Variants in HOXD8 observed in about 807,000 individuals in gnomAD.
HOXD8 encodes the protein homeobox D8.
HOXD8 carries 17 observed loss-of-function variants against 25.4 expected under a neutral mutation model. That is an observed-to-expected ratio of 0.67 (90% CI 0.46 to 1.00). The LOEUF is 1.00. HOXD8 is among the 50% of genes least tolerant of loss of function. HOXD8 has a pLI of 0.00. For missense variants in HOXD8, 511 were observed against 398.5 expected, an observed-to-expected ratio of 1.28 and a Z score of -2.40; for synonymous variants, 203 against 175.3, an observed-to-expected ratio of 1.16 and a Z score of -1.25.
At chr2:176,131,285 A>G in intron 1 of HOXD8, 32 bp from the exon 2 acceptor site, 2 of 1,545,258 alleles carry the variant, frequency 1.3e-6, no homozygotes, top group South Asian at 1.2e-5. Flanking sequence ...TAAAACTTTT[A>G]TTCCCCCCCC....
Position 176,129,978 on chromosome 2 carries a change from TGA to T in HOXD8, c.-385_-384del, listed in dbSNP as rs1307950473. The T allele has an allele frequency of 5.2e-5, 8 of 154,844 alleles. No homozygotes were observed. The highest frequency in any genetic ancestry group is 1.9e-4 in the African/African-American group (8 of 41,190). 9.6% of individuals were successfully genotyped at this position (154,844 alleles called of 1,614,324 possible). ...CCGGGTGCGCTCAGTCACTGGTGCC[TGA>T]GAGGAAACAGTGGAGGCAGCGGGGC... On this transcript the variant is annotated 5_prime_UTR_variant, in exon 1 of 2. Transcript: ENST00000313173.
At chr2:176,131,294 C>CT (rs577162252) in intron 1 of HOXD8, 23 bp from the exon 2 acceptor site, 465 of 1,535,774 alleles carry the variant, frequency 3.0e-4, no homozygotes, top group South Asian at 3.5e-4. Flanking sequence ...TATTCCCCCC[C>CT]CCTTTTTTTT....
In HOXD8 at chr2:176,130,707, A is replaced by C. The variant is rs745845449; in HGVS notation, c.341A>C (p.His114Pro). ...CAGGCCGCCCCCCCTCCTCCTCCGCATCCTCCGCCTCCGCCGCCACCTCCC... is the reference window on the plus strand; with the variant it reads ...CAGGCCGCCCCCCCTCCTCCTCCGCCTCCTCCGCCTCCGCCGCCACCTCCC... ...AYQAAPPPPP[H>P]PPPPPPPPPC... The change falls in exon 1 of 2, where the codon CAT becomes CCT. Residue 114 changes from histidine (H) to proline (P), a missense_variant. Physicochemically the swap from His to Pro is moderately conservative, Grantham distance 77. Transcript: ENST00000313173. The C allele has an allele frequency of 1.2e-6, 2 of 1,601,258 alleles. No individual in the cohort carries two copies. Among genetic ancestry groups the C allele is most frequent in the South Asian group, 1.1e-5 (1 of 89,814 alleles).
At position 176,130,371 on chromosome 2, in the gene HOXD8, G is replaced by A; in HGVS notation, c.5G>A (p.Ser2Asn). 6.9e-7 allele frequency: 1 copy of A among 1,440,670 alleles called. No individual in the cohort carries two copies. The highest frequency in any genetic ancestry group is 3.0e-5 in the East Asian group (1 of 32,972). 89.2% of individuals were successfully genotyped at this position (1,440,670 alleles called of 1,614,324 possible). M[S>N]SYFVNPLYSK... ...GCCGCCGCCGCTGACGCCCCAATGA[G>A]TTCGTACTTCGTGAACCCGCTGTAC... The change falls in exon 1 of 2, where the codon AGT becomes AAT. Residue 2 changes from serine (S) to asparagine (N), a missense_variant. Physicochemically the swap from Ser to Asn is conservative, Grantham distance 46. Transcript: ENST00000313173.
In HOXD8 at chr2:176,130,055, C is replaced by A. The variant is rs1310037861; in HGVS notation, c.-312C>A. The A allele has an allele frequency of 6.7e-6, 1 of 148,958 alleles. No homozygotes were observed. The highest frequency in any genetic ancestry group is 1.5e-5 in the Non-Finnish European group (1 of 67,172). 9.2% of individuals were successfully genotyped at this position (148,958 alleles called of 1,614,324 possible). On this transcript the variant is annotated 5_prime_UTR_variant, in exon 1 of 2. Transcript: ENST00000313173. ...ATATTGCGGCCGAGCCGGGGCGCGC[C>A]GGGAAAGGCCGGGAGGGCGGCGGCG... is the stretch of plus-strand genomic sequence containing the variant.
Position 176,130,179 on chromosome 2 carries a change from C to G in HOXD8, c.-188C>G, listed in dbSNP as rs1690051070. On this transcript the variant is annotated 5_prime_UTR_variant, in exon 1 of 2. Coordinates refer to ENST00000313173, the MANE Select transcript of HOXD8 (RefSeq NM_019558.4). ...GGCATGAGCGCCCAGTAGCTGAGCGCCCGCGGCTGCCTGGCCTCAGAAGCG... is the reference window on the plus strand; with the variant it reads ...GGCATGAGCGCCCAGTAGCTGAGCGGCCGCGGCTGCCTGGCCTCAGAAGCG... The G allele has an allele frequency of 4.0e-6, 1 of 252,776 alleles. No homozygotes were observed. Among genetic ancestry groups the G allele is most frequent in the Admixed American group, 5.6e-5 (1 of 17,982 alleles). 15.7% of individuals were successfully genotyped at this position (252,776 alleles called of 1,614,324 possible).
At chr2:176,131,000 A>G in intron 1 of HOXD8, 57 bp downstream of exon 1, 1 of 1,186,882 alleles carries the variant, frequency 8.4e-7, no homozygotes, top group Non-Finnish European at 1.2e-6. Flanking sequence ...CTTTCATCTC[A>G]CGTTCTGGCT....
At position 176,130,270 on chromosome 2, in the gene HOXD8, C is replaced by T. The variant is rs1690055574; in HGVS notation, c.-97C>T. The T allele has an allele frequency of 2.9e-6, 2 of 693,794 alleles. No homozygotes were observed. Among genetic ancestry groups the T allele is most frequent in the Admixed American group, 4.5e-5 (1 of 21,980 alleles). The allele number at this position is 693,794 out of a possible 1,614,324, so 43.0% of individuals were successfully genotyped here. A position where few individuals can be genotyped will look rare whatever the true frequency, so the allele number is the denominator to read the frequency against. ...GCGGTCCCGGCGGCGAGAGCAGCCGCCCCACAGGCCCCCGCGGCAGTGCGG... is the reference window on the plus strand; with the variant it reads ...GCGGTCCCGGCGGCGAGAGCAGCCGTCCCACAGGCCCCCGCGGCAGTGCGG... On this transcript the variant is annotated 5_prime_UTR_variant, in exon 1 of 2. Coordinates refer to ENST00000313173, the MANE Select transcript of HOXD8 (RefSeq NM_019558.4).
In HOXD8 at chr2:176,130,504, C is replaced by T; in HGVS notation, c.138C>T (p.Ala46=). 1 of 1,491,946 alleles carries T rather than the reference C, an allele frequency of 6.7e-7. No individual in the cohort carries two copies. 92.4% of individuals were successfully genotyped at this position (1,491,946 alleles called of 1,614,324 possible). The part of the protein sequence containing the change: ...FAPEVGGRHA[A]AAAALQLYGN... Reference sequence around the variant, plus strand: ...CCGAGGTCGGCGGCCGTCACGCCGCCGCCGCAGCAGCCCTGCAGCTCTATG... The same window carrying T: ...CCGAGGTCGGCGGCCGTCACGCCGCTGCCGCAGCAGCCCTGCAGCTCTATG... Residue 46 remains alanine, a synonymous_variant, in exon 1 of 2, where the codon GCC becomes GCT. Coordinates refer to ENST00000313173, the MANE Select transcript of HOXD8 (RefSeq NM_019558.4).
At position 176,130,295 on chromosome 2, in the gene HOXD8, G is replaced by A; in HGVS notation, c.-72G>A. On this transcript the variant is annotated 5_prime_UTR_variant, in exon 1 of 2. Coordinates refer to ENST00000313173, the MANE Select transcript of HOXD8 (RefSeq NM_019558.4). ...CCCCACAGGCCCCCGCGGCAGTGCG[G>A]CCGAGTCGAGGCTCGCTCTCTGGCT... 1 of 1,018,990 alleles carries A rather than the reference G, an allele frequency of 9.8e-7. No individual in the cohort carries two copies. Among genetic ancestry groups the A allele is most frequent in the South Asian group, 3.0e-5 (1 of 33,550 alleles). The allele number at this position is 1,018,990 out of a possible 1,614,324, so 63.1% of individuals were successfully genotyped here.
Position 176,130,693 on chromosome 2 carries a change from CCCT to C in HOXD8, c.336_338del (p.Pro113del). 1 of 1,588,872 alleles carries C rather than the reference CCCT, an allele frequency of 6.3e-7. No individual in the cohort carries two copies. Among genetic ancestry groups the C allele is most frequent in the Non-Finnish European group, 8.6e-7 (1 of 1,167,194 alleles). ...CGGCCGCTGCCTACCAGGCCGCCCC[CCCT>C]CCTCCTCCGCATCCTCCGCCTCCGC... On this transcript the variant is annotated inframe_deletion, in exon 1 of 2. Coordinates refer to ENST00000313173, the MANE Select transcript of HOXD8 (RefSeq NM_019558.4).
Position 176,130,876 on chromosome 2 carries a change from C to A in HOXD8, c.510C>A (p.Gly170=). The change falls in exon 1 of 2, where the codon GGC becomes GGA. Residue 170 remains glycine, a synonymous_variant. Coordinates refer to ENST00000313173, the MANE Select transcript of HOXD8 (RefSeq NM_019558.4). ...GTAAATCGTCCAGTGGTAATATTGG[C>A]GAGGACCCAGACCACTTAAATCAGA... ...PDCKSSSGNI[G]EDPDHLNQSS... is the part of the protein sequence containing the mutation. The A allele has an allele frequency of 3.1e-6, 5 of 1,611,506 alleles. No individual in the cohort carries two copies. Among genetic ancestry groups the A allele is most frequent in the African/African-American group, 2.7e-5 (2 of 74,744 alleles).
Position 176,130,142 on chromosome 2 carries a change from G to C in HOXD8, c.-225G>C, listed in dbSNP as rs1323990000. On this transcript the variant is annotated 5_prime_UTR_variant, in exon 1 of 2. Transcript: ENST00000313173. ...AGGCGGCGCGAAGCCGAGGCGGCGG[G>C]CGCAAGAGCCGGGCATGAGCGCCCA... The C allele has an allele frequency of 1.6e-5, 3 of 182,782 alleles. No homozygotes were observed. In the Admixed American group the frequency reaches 1.9e-4, roughly 11 times the overall value. 11.3% of individuals were successfully genotyped at this position (182,782 alleles called of 1,614,324 possible).
At chr2:176,131,000 A>C (rs1445177183) in intron 1 of HOXD8, 57 bp downstream of exon 1, 58 of 1,186,872 alleles carry the variant, frequency 4.9e-5, no homozygotes, top group Non-Finnish European at 6.7e-5. Context: ...CTTTCATCTC[A>C]CGTTCTGGCT....
In HOXD8 at chr2:176,130,049, G is replaced by A. The variant is rs1202842281; in HGVS notation, c.-318G>A. 2.0e-5 allele frequency: 3 copies of A among 150,716 alleles called. No homozygotes were observed. The highest frequency in any genetic ancestry group is 4.4e-5 in the Non-Finnish European group (3 of 67,634). The allele number at this position is 150,716 out of a possible 1,614,324, so 9.3% of individuals were successfully genotyped here. A position where few individuals can be genotyped will look rare whatever the true frequency, so the allele number is the denominator to read the frequency against. On this transcript the variant is annotated 5_prime_UTR_variant, in exon 1 of 2. Coordinates refer to ENST00000313173, the MANE Select transcript of HOXD8 (RefSeq NM_019558.4). ...GCGATTATATTGCGGCCGAGCCGGG[G>A]CGCGCCGGGAAAGGCCGGGAGGGCG...
In HOXD8 at chr2:176,130,152, C is replaced by T. The variant is rs964725116; in HGVS notation, c.-215C>T. The T allele has an allele frequency of 4.5e-5, 9 of 201,054 alleles. No individual in the cohort carries two copies. Among genetic ancestry groups the T allele is most frequent in the Admixed American group, 1.2e-4 (2 of 16,614 alleles). The allele number at this position is 201,054 out of a possible 1,614,324, so 12.5% of individuals were successfully genotyped here. A position where few individuals can be genotyped will look rare whatever the true frequency, so the allele number is the denominator to read the frequency against. ...AAGCCGAGGCGGCGGGCGCAAGAGC[C>T]GGGCATGAGCGCCCAGTAGCTGAGC... On this transcript the variant is annotated 5_prime_UTR_variant, in exon 1 of 2. Transcript: ENST00000313173.
At chr2:176,131,008 G>C in intron 1 of HOXD8, 65 bp downstream of exon 1, 6 of 1,101,580 alleles carry the variant, frequency 5.4e-6, no homozygotes, top group Non-Finnish European at 7.8e-6. Context: ...TCACGTTCTG[G>C]CTTTAAAACT....
chr2:176,131,414 A>C lies in HOXD8; in HGVS notation c.675A>C (p.Lys225Asn), dbSNP rs1690110783. 1 of 1,613,878 alleles carries C rather than the reference A, an allele frequency of 6.2e-7. No homozygotes were observed. The highest frequency in any genetic ancestry group is 1.3e-5 in the African/African-American group (1 of 74,862). Reference sequence around the variant, plus strand: ...TTTTTAACCCCTATCTGACCAGGAAAAGAAGAATCGAGGTTTCCCACGCCC... The same window carrying C: ...TTTTTAACCCCTATCTGACCAGGAACAGAAGAATCGAGGTTTCCCACGCCC... The part of the protein sequence containing the change: ...EFLFNPYLTR[K>N]RRIEVSHALA... The change falls in exon 2 of 2, where the codon AAA (lysine) becomes AAC (asparagine). Residue 225 changes from lysine (K) to asparagine (N), a missense_variant. Transcript: ENST00000313173.
In HOXD8 at chr2:176,130,690, C is replaced by T. The variant is rs766523128; in HGVS notation, c.324C>T (p.Ala108=). 6.3e-6 allele frequency: 10 copies of T among 1,584,474 alleles called. No homozygotes were observed. In the South Asian group the frequency reaches 1.0e-4, roughly 16 times the overall value. The change falls in exon 1 of 2, where the codon GCC becomes GCT. Residue 108 remains alanine, a synonymous_variant. Transcript: ENST00000313173. ...GGSPAAAYQA[A]PPPPPHPPPP... is the part of the protein sequence containing the mutation. ...GCCCGGCCGCTGCCTACCAGGCCGC[C>T]CCCCCTCCTCCTCCGCATCCTCCGC...
Sources: allele counts gnomAD v4.1 joint callset, GRCh38; gene constraint gnomAD v4.1.1; transcripts MANE v1.5; gene names NCBI Gene and HGNC (gene_info 2026-07-23, HGNC 2026-07-21).